Variants in SNX17 observed in about 807,000 individuals in gnomAD.
The protein encoded by SNX17 is sorting nexin-17.
In SNX17, 35 loss-of-function variants were observed where a neutral mutation model predicts 64.3. That is an observed-to-expected ratio of 0.54 (90% confidence interval 0.42 to 0.72). SNX17 has a LOEUF of 0.72. Among genes scored for constraint, SNX17 ranks in the 30% least tolerant of loss-of-function variants. The probability of loss-of-function intolerance (pLI) is 0.00; values close to 1 mark genes in which losing one functional copy is unlikely to be tolerated. For missense variants in SNX17, 538 were observed against 610.0 expected, an observed-to-expected ratio of 0.88 and a Z score of 1.24; for synonymous variants, 259 against 230.2, an observed-to-expected ratio of 1.13 and a Z score of -1.13.
At position 27,370,710 on chromosome 2, in the gene SNX17, G is replaced by A. The variant is rs1463082544; in HGVS notation, c.-34G>A. ...GTGCAGAGCCGCTGCGGCCCTCACA[G>A]TCCGGAGCCCGGCCGTGCCGTGCCG... On this transcript the variant is annotated 5_prime_UTR_variant, in exon 1 of 15. Transcript: ENST00000233575. 1.8e-5 allele frequency: 28 copies of A among 1,536,192 alleles called. No individual in the cohort carries two copies. The highest frequency in any genetic ancestry group is 2.3e-5 in the Non-Finnish European group (26 of 1,137,778).
At chr2:27,372,275 C>T (rs1437774479) in intron 2 of SNX17, among the ~76,000 whole-genome samples, 1 of 152,230 alleles carries the variant, frequency 6.6e-6, no homozygotes, top group African/African-American at 2.4e-5. Context: ...ACAGACTTAG[C>T]TATTAACTGT....
intron 1 of SNX17, 62 bp from the exon 2 acceptor site, chr2:27,371,207 G>A: frequency 6.7e-7 from 1 of 1,483,838 alleles, no homozygotes; most frequent in Non-Finnish European, 9.4e-7. Context: ...TTCCGGCCAG[G>A]GTTCTCAGGG....
Position 27,374,351 on chromosome 2 carries a change from C to T in SNX17, c.529C>T (p.Arg177Trp), listed in dbSNP as rs145548664. 7.4e-5 allele frequency: 119 copies of T among 1,607,930 alleles called. No individual in the cohort carries two copies. The highest frequency in any genetic ancestry group is 9.3e-5 in the Non-Finnish European group (110 of 1,177,148). ...TTTTTTTTTTTAACCTGTAGTTGTACGGAAGTTGCAAGAGTTTGAGCTGCC... is the reference window on the plus strand; with the variant it reads ...TTTTTTTTTTTAACCTGTAGTTGTATGGAAGTTGCAAGAGTTTGAGCTGCC... The part of the protein sequence containing the change: ...EKEDGAFSFV[R>W]KLQEFELPYV... The change falls in exon 7 of 15, where the codon CGG (arginine) becomes TGG (tryptophan). Residue 177 changes from arginine (R) to tryptophan (W), a missense_variant. Transcript: ENST00000233575.
intron 3 of SNX17, 137 bp downstream of exon 3, chr2:27,372,877 A>G (rs1419981891): frequency 3.0e-6 from 4 of 1,315,502 alleles, no homozygotes; most frequent in Non-Finnish European, 4.3e-6. Flanking sequence ...TGCAGTTAGC[A>G]AAGTAAATAG....
At chr2:27,371,195 A>G (rs1017179683) in intron 1 of SNX17, 74 bp from the exon 2 acceptor site, 2 of 1,386,382 alleles carry the variant, frequency 1.4e-6, no homozygotes, top group Admixed American at 1.7e-5. Flanking sequence ...TTGCCAGGCA[A>G]CTTCCGGCCA....
At chr2:27,374,060 G>A in intron 5 of SNX17, 25 bp from the exon 6 acceptor site, 1 of 1,612,330 alleles carries the variant, frequency 6.2e-7, no homozygotes, top group South Asian at 1.1e-5. Flanking sequence ...AGTATGATGA[G>A]CTGTACTTCT....
Position 27,370,871 on chromosome 2 carries a change from G to A in SNX17, c.63+65G>A, listed in dbSNP as rs942650071. Reference sequence around the variant, plus strand: ...GGGGATAACGGGCCCGAGCCATCTCGGAGCGGCCTCTGAGGCCTGACCGCC... The same window carrying A: ...GGGGATAACGGGCCCGAGCCATCTCAGAGCGGCCTCTGAGGCCTGACCGCC... On this transcript the variant is annotated intron_variant, in intron 1 of 14. Coordinates refer to ENST00000233575, the MANE Select transcript of SNX17 (RefSeq NM_014748.4). 56 of 1,504,666 alleles carry A rather than the reference G, an allele frequency of 3.7e-5. No individual in the cohort carries two copies. The African/African-American group carries it at 4.8e-4, about 13-fold the overall frequency. 93.2% of individuals were successfully genotyped at this position (1,504,666 alleles called of 1,614,324 possible). A position where few individuals can be genotyped will look rare whatever the true frequency, so the allele number is the denominator to read the frequency against.
chr2:27,374,798 A>G (rs1285759225), intron 8 of SNX17, 40 bp downstream of exon 8: 2 of 1,582,330 alleles, frequency 1.3e-6, no homozygotes, highest in African/African-American at 1.3e-5. Flanking sequence ...CCCTGAAGAA[A>G]ATAACGGGTG....
In SNX17 at chr2:27,370,812, G is replaced by T; in HGVS notation, c.63+6G>T. ...GCGGCGGCTCCGCCTACGTGGTGAG[G>T]AGCGGCCGGAGCCGAGCCGGGCCGG... On this transcript the variant is annotated splice_donor_region_variant and intron_variant, in intron 1 of 14. Transcript: ENST00000233575. 1 of 1,540,800 alleles carries T rather than the reference G, an allele frequency of 6.5e-7. No individual in the cohort carries two copies. The highest frequency in any genetic ancestry group is 1.2e-5 in the South Asian group (1 of 83,784).
intron 3 of SNX17, 70 bp from the exon 4 acceptor site, chr2:27,373,177 A>C (rs1277165642): frequency 1.2e-6 from 2 of 1,609,608 alleles, no homozygotes; most frequent in Admixed American, 3.3e-5. Context: ...GGGGGAACCT[A>C]CTGAGAGGAG....
chr2:27,374,996 G>T, intron 8 of SNX17, 65 bp from the exon 9 acceptor site: 1 of 1,443,718 alleles, frequency 6.9e-7, no homozygotes, highest in South Asian at 1.1e-5. Context: ...CAGAGGTAAT[G>T]GTAGACGCTT....
Position 27,375,870 on chromosome 2 carries a change from A to G in SNX17, c.1003A>G (p.Ser335Gly). The change falls in exon 11 of 15, where the codon AGC becomes GGC. Residue 335 changes from serine (S) to glycine (G), a missense_variant. Ser to Gly is a moderately conservative substitution (Grantham distance 56). Transcript: ENST00000233575. This position sits in a 1 kb window ranked among gnomAD's most constrained non-coding sequence, Gnocchi z 4.1. ...GGTACCATTGCCCAGTGGAAGCACGAGCAGCCCAGGCCGGGGCCGGGGTGA... is the reference window on the plus strand; with the variant it reads ...GGTACCATTGCCCAGTGGAAGCACGGGCAGCCCAGGCCGGGGCCGGGGTGA... ...SSVPLPSGST[S>G]SPGRGRGEVR... The G allele has an allele frequency of 6.2e-7, 1 of 1,614,126 alleles. No individual in the cohort carries two copies. Among genetic ancestry groups the G allele is most frequent in the Non-Finnish European group, 8.5e-7 (1 of 1,180,026 alleles).
chr2:27,370,761 C>T lies in SNX17; in HGVS notation c.18C>T (p.Pro6=), dbSNP rs575862875. 44 of 1,548,926 alleles carry T rather than the reference C, an allele frequency of 2.8e-5. No homozygotes were observed. In the African/African-American group the frequency reaches 4.0e-4, roughly 14 times the overall value. MHFSI[P]ETESRSGDSG... ...TAGGGAACATGCACTTTTCCATTCC[C>T]GAAACCGAGTCCCGCAGCGGGGACA... The change falls in exon 1 of 15, where the codon CCC becomes CCT. Residue 6 remains proline (P), a synonymous_variant. Coordinates refer to ENST00000233575, the MANE Select transcript of SNX17 (RefSeq NM_014748.4).
intron 1 of SNX17, 57 bp downstream of exon 1, chr2:27,370,863 G>A (rs1226977226): frequency 2.0e-6 from 3 of 1,515,940 alleles, no homozygotes; most frequent in African/African-American, 1.4e-5. Context: ...ACGGGCCCGA[G>A]CCATCTCGGA....
chr2:27,370,785 C>T lies in SNX17; in HGVS notation c.42C>T (p.Asp14=), dbSNP rs369902355. 1.4e-4 allele frequency: 210 copies of T among 1,546,378 alleles called. No homozygotes were observed. Among genetic ancestry groups the T allele is most frequent in the Non-Finnish European group, 1.7e-4 (198 of 1,146,484 alleles). ...SIPETESRSG[D]SGGSAYVAYN... ...CCGAAACCGAGTCCCGCAGCGGGGA[C>T]AGCGGCGGCTCCGCCTACGTGGTGA... Residue 14 remains aspartate, a synonymous_variant, in exon 1 of 15, where the codon GAC becomes GAT. Coordinates refer to ENST00000233575, the MANE Select transcript of SNX17 (RefSeq NM_014748.4).
rs1683353954 is a variant in SNX17 at position 27,377,333 on chromosome 2, G to A, written c.*614G>A. 5.7e-6 allele frequency: 4 copies of A among 699,042 alleles called. No homozygotes were observed. The highest frequency in any genetic ancestry group is 1.0e-5 in the Non-Finnish European group (4 of 384,774). 43.3% of individuals were successfully genotyped at this position (699,042 alleles called of 1,614,324 possible). A position where few individuals can be genotyped will look rare whatever the true frequency, so the allele number is the denominator to read the frequency against. ...AGCCGGTTTGTCCACAGCCCCTGGG[G>A]GCAGTGGAGGTGAATACAGGGCCCT... On this transcript the variant is annotated 3_prime_UTR_variant, in exon 15 of 15. Coordinates refer to ENST00000233575, the MANE Select transcript of SNX17 (RefSeq NM_014748.4). The surrounding 1 kb of genome is among the most constrained non-coding windows in gnomAD (Gnocchi z 4.4).
Position 27,376,590 on chromosome 2 carries a change from C to G in SNX17, c.1300-16C>G, listed in dbSNP as rs1470852532. The G allele has an allele frequency of 3.1e-6, 5 of 1,613,994 alleles. No individual in the cohort carries two copies. Among genetic ancestry groups the G allele is most frequent in the Non-Finnish European group, 2.5e-6 (3 of 1,179,976 alleles). ...GCACGCCCAAGATCTCTGACCCCAC[C>G]CTGCCTTTGTTACAGAGTAAGCTGA... On this transcript the variant is annotated splice_polypyrimidine_tract_variant and intron_variant, in intron 14 of 14. Coordinates refer to ENST00000233575, the MANE Select transcript of SNX17 (RefSeq NM_014748.4).
In SNX17 at chr2:27,375,373, T is replaced by C. The variant is rs1439974409; in HGVS notation, c.775-133T>C. 4.2e-6 allele frequency: 4 copies of C among 962,456 alleles called. No individual in the cohort carries two copies. The highest frequency in any genetic ancestry group is 1.6e-5 in the African/African-American group (1 of 61,956). 59.6% of individuals were successfully genotyped at this position (962,456 alleles called of 1,614,324 possible). On this transcript the variant is annotated intron_variant, in intron 9 of 14. Coordinates refer to ENST00000233575, the MANE Select transcript of SNX17 (RefSeq NM_014748.4). This position sits in a 1 kb window ranked among gnomAD's most constrained non-coding sequence, Gnocchi z 4.1. ...CAGGATGGTCTTGAGCTCCTGACCT[T>C]GTGATCTGTCTGCCTCTGCCTCCTA... is the stretch of plus-strand genomic sequence containing the variant.
chr2:27,373,852 TCACAACAGGAGA>T lies in SNX17; in HGVS notation c.322-4_329del. On this transcript the variant is annotated splice_acceptor_variant and splice_polypyrimidine_tract_variant and coding_sequence_variant and intron_variant, in exon 5 of 15. Coordinates refer to ENST00000233575, the MANE Select transcript of SNX17 (RefSeq NM_014748.4). LOFTEE classifies it high-confidence loss of function. Reference sequence around the variant, plus strand: ...CAGTGCTTCCCATCCCCATGTGTGCTCACAACAGGAGACACAGCAGGTCCCCACAGAGGAAGT... The same window carrying T: ...CAGTGCTTCCCATCCCCATGTGTGCTCACAGCAGGTCCCCACAGAGGAAGT... The T allele has an allele frequency of 6.2e-7, 1 of 1,607,900 alleles. No individual in the cohort carries two copies. Among genetic ancestry groups the T allele is most frequent in the Non-Finnish European group, 8.5e-7 (1 of 1,175,750 alleles).
Sources: allele counts gnomAD v4.1 joint callset (sites outside exome capture counted in the v4.1 genomes callset), GRCh38; gene constraint gnomAD v4.1.1; non-coding constraint Gnocchi (gnomAD v3.1); transcripts MANE v1.5; gene names NCBI Gene and HGNC (gene_info 2026-07-23, HGNC 2026-07-21).